Variants in PIK3R6 observed in about 807,000 individuals in gnomAD.
The protein encoded by PIK3R6 is phosphoinositide 3-kinase regulatory subunit 6.
In PIK3R6, 91 loss-of-function variants were observed where a neutral mutation model predicts 84.9. The ratio of observed to expected loss-of-function variants is 1.07; its 90% CI spans 0.90 to 1.28. PIK3R6 has a LOEUF of 1.28. PIK3R6 is among the 50% of genes most tolerant of loss of function. The pLI, the probability that PIK3R6 is intolerant of heterozygous loss-of-function variation, is 0.00. For synonymous variants in PIK3R6, 416 were observed against 411.4 expected (o/e 1.01, Z -0.13); for missense variants, 996 against 985.1 (o/e 1.01, Z -0.15).
chr17:8,825,101 AAC>A (rs1436434763), intron 13 of PIK3R6, among the ~76,000 whole-genome samples: 1 of 152,206 alleles, frequency 6.6e-6, no homozygotes, highest in Admixed American at 6.5e-5. Flanking sequence ...AATAGTAAGA[AAC>A]ACTATCACAC....
At chr17:8,857,701 C>T (rs924887317) in intron 1 of PIK3R6, among the ~76,000 whole-genome samples, 1 of 152,036 alleles carries the variant, frequency 6.6e-6, no homozygotes, top group Non-Finnish European at 1.5e-5. Flanking sequence ...GGGATCGAGA[C>T]CATCCTAGCT....
rs377539471 is a variant in PIK3R6 at position 8,804,070 on chromosome 17, G to A, written c.2079C>T (p.Asp693=). 67 of 1,613,886 alleles carry A rather than the reference G, an allele frequency of 4.2e-5. No individual in the cohort carries two copies. Among genetic ancestry groups the A allele is most frequent in the South Asian group, 2.6e-4 (24 of 91,090 alleles). ...CCACATCCCTGAAAGTGCGTTGATC[G>A]TCCTTGTCCAGCGACAGTGTCAGCA... ...QRLLTLSLDK[D]DQRTFRDVVR... Residue 693 remains aspartate, a synonymous_variant, in exon 19 of 20, where the codon GAC becomes GAT. Coordinates refer to ENST00000619866, the MANE Select transcript of PIK3R6 (RefSeq NM_001010855.4).
intron 1 of PIK3R6, among the ~76,000 whole-genome samples, chr17:8,853,895 G>A (rs1258954269): frequency 6.6e-6 from 1 of 151,650 alleles, no homozygotes; most frequent in African/African-American, 2.4e-5. Flanking sequence ...CCCAGGAGGC[G>A]GAGGTTGCAG....
At chr17:8,805,428 G>C (rs530009482) in intron 18 of PIK3R6, among the ~76,000 whole-genome samples, 1 of 152,180 alleles carries the variant, frequency 6.6e-6, no homozygotes, top group South Asian at 2.1e-4. Flanking sequence ...CCTACTGTGG[G>C]TTCTTTCTCT....
rs2089304707 is a variant in PIK3R6, at chr17:8,862,392, G to A, written c.-92+5137C>T. 6.6e-6 allele frequency among the ~76,000 whole-genome samples: 1 copy of A among 152,226 alleles called. No homozygotes were observed. The highest frequency in any genetic ancestry group is 2.4e-5 in the African/African-American group (1 of 41,456). ...AAAGCTACTCTTGGGCTGGATGACA[G>A]AAACAAGTTTGTTGGGCATGGTTGC... On this transcript the variant is annotated intron_variant, in intron 1 of 19. Transcript: ENST00000619866. This position sits in a 1 kb window ranked among gnomAD's most constrained non-coding sequence, Gnocchi z 4.3.
Position 8,867,671 on chromosome 17 carries a change from C to A in PIK3R6, c.-234G>T. 2.3e-6 allele frequency: 1 copy of A among 433,152 alleles called. No homozygotes were observed. 26.8% of individuals were successfully genotyped at this position (433,152 alleles called of 1,614,324 possible). A position where few individuals can be genotyped will look rare whatever the true frequency, so the allele number is the denominator to read the frequency against. ...GTGGTCTTGACTGTGCTCTTCAGAT[C>A]TGCAAAGAAAAGCTCGATGTCTCAC... On this transcript the variant is annotated 5_prime_UTR_variant, in exon 1 of 20. Coordinates refer to ENST00000619866, the MANE Select transcript of PIK3R6 (RefSeq NM_001010855.4).
intron 5 of PIK3R6, 23 bp downstream of exon 5, chr17:8,837,780 C>T: frequency 6.2e-7 from 1 of 1,603,722 alleles, no homozygotes; most frequent in Non-Finnish European, 8.5e-7. Flanking sequence ...CCACTACCAC[C>T]TCGACCTCAG....
intron 9 of PIK3R6, among the ~76,000 whole-genome samples, chr17:8,830,410 C>G (rs2088194299): frequency 6.6e-6 from 1 of 152,194 alleles, no homozygotes; most frequent in Non-Finnish European, 1.5e-5. Flanking sequence ...AGCAGACTGT[C>G]TGCACACTGG....
intron 7 of PIK3R6, 65 bp from the exon 8 acceptor site, chr17:8,835,521 T>A: frequency 7.2e-7 from 1 of 1,388,898 alleles, no homozygotes; most frequent in Non-Finnish European, 9.8e-7. Context: ...GGCCACCGGA[T>A]GGGCACCCTC....
intron 1 of PIK3R6, among the ~76,000 whole-genome samples, chr17:8,857,582 T>G (rs1053490116): frequency 6.6e-6 from 1 of 152,158 alleles, no homozygotes; most frequent in Non-Finnish European, 1.5e-5. Flanking sequence ...AAAAGAGAAG[T>G]GTAAGATACC....
chr17:8,854,636 A>G (rs1310590755), intron 1 of PIK3R6, among the ~76,000 whole-genome samples: 4 of 152,256 alleles, frequency 2.6e-5, no homozygotes, highest in Admixed American at 1.3e-4. Context: ...ACAATTGATC[A>G]TCGATATGCA....
rs1232437132 is a variant in PIK3R6, at chr17:8,822,990, G to T, written c.1717+6C>A. ...GACCTTTGGCAAAAGGGAGGCAGAT[G>T]CTTACCTTTGGGGAATTTAGAATCT... is the stretch of plus-strand genomic sequence containing the variant. On this transcript the variant is annotated splice_donor_region_variant and intron_variant, in intron 15 of 19. Transcript: ENST00000619866. 1 of 1,589,210 alleles carries T rather than the reference G, an allele frequency of 6.3e-7. No homozygotes were observed. Among genetic ancestry groups the T allele is most frequent in the Non-Finnish European group, 8.6e-7 (1 of 1,157,416 alleles).
chr17:8,836,228 C>A (rs2088460388), intron 7 of PIK3R6, among the ~76,000 whole-genome samples: 1 of 152,180 alleles, frequency 6.6e-6, no homozygotes, highest in Admixed American at 6.5e-5. Context: ...GCATTATGGC[C>A]AAGGGCAGGA....
At chr17:8,806,057 G>T (rs1483945843) in intron 18 of PIK3R6, among the ~76,000 whole-genome samples, 1 of 152,204 alleles carries the variant, frequency 6.6e-6, no homozygotes, top group African/African-American at 2.4e-5. Context: ...TGGAATGATT[G>T]TTGATACTGG....
rs1024795403 is a variant in PIK3R6, at chr17:8,803,746, C to T, written c.2108+295G>A. On this transcript the variant is annotated intron_variant, in intron 19 of 19. Coordinates refer to ENST00000619866, the MANE Select transcript of PIK3R6 (RefSeq NM_001010855.4). This position sits in a 1 kb window ranked among gnomAD's most constrained non-coding sequence, Gnocchi z 5.0. The stretch of plus-strand genomic sequence containing the variant: ...CAGGTCAGCCTGTGTGGGAGGGGCC[C>T]GTGCCTGCAGAGGGGACTGGATCAG... 4.5e-5 allele frequency: 25 copies of T among 554,470 alleles called. No individual in the cohort carries two copies. The highest frequency in any genetic ancestry group is 1.9e-4 in the African/African-American group (10 of 53,052). The allele number at this position is 554,470 out of a possible 1,614,324, so 34.3% of individuals were successfully genotyped here. A position where few individuals can be genotyped will look rare whatever the true frequency, so the allele number is the denominator to read the frequency against.
At position 8,819,110 on chromosome 17, in the gene PIK3R6, G is replaced by A. The variant is rs748273843; in HGVS notation, c.1968C>T (p.Ser656=). 14 of 1,607,348 alleles carry A rather than the reference G, an allele frequency of 8.7e-6. No individual in the cohort carries two copies. The highest frequency in any genetic ancestry group is 1.0e-5 in the Non-Finnish European group (12 of 1,177,074). Reference sequence around the variant, plus strand: ...AGAAGGACTTTCCCGCCAAGTTGGAGGACTTGACAACCTCTGTCACGTTGA... The same window carrying A: ...AGAAGGACTTTCCCGCCAAGTTGGAAGACTTGACAACCTCTGTCACGTTGA... ...LNVNVTEVVK[S]SNLAGKSFST... is the part of the protein sequence containing the mutation. Residue 656 remains serine (S), a synonymous_variant, in exon 18 of 20, where the codon TCC becomes TCT. Transcript: ENST00000619866.
intron 12 of PIK3R6, among the ~76,000 whole-genome samples, chr17:8,827,528 G>A (rs1034993673): frequency 2.6e-5 from 4 of 152,128 alleles, no homozygotes; most frequent in Admixed American, 2.6e-4. Context: ...ACTTTAAAAG[G>A]GGAGAGACAA....
intron 11 of PIK3R6, 26 bp downstream of exon 11, chr17:8,828,541 C>G: frequency 6.2e-7 from 1 of 1,606,246 alleles, no homozygotes; most frequent in South Asian, 1.1e-5. Flanking sequence ...CAGCGCCCAC[C>G]CCCAGCCCCC....
intron 10 of PIK3R6, 143 bp from the exon 11 acceptor site, chr17:8,829,133 A>T (rs1281045859): frequency 1.3e-6 from 1 of 783,456 alleles, no homozygotes; most frequent in Non-Finnish European, 1.9e-6. Flanking sequence ...ATGCACAGAG[A>T]CTCACACACA....
Sources: allele counts gnomAD v4.1 joint callset (sites outside exome capture counted in the v4.1 genomes callset), GRCh38; gene constraint gnomAD v4.1.1; non-coding constraint Gnocchi (gnomAD v3.1); transcripts MANE v1.5; gene names NCBI Gene and HGNC (gene_info 2026-07-23, HGNC 2026-07-21).